Variants in IL27RA observed in about 807,000 individuals in gnomAD.
IL27RA encodes interleukin-27 receptor subunit alpha.
Under a neutral mutation model 80.8 loss-of-function variants are expected in IL27RA, and 61 were observed. The observed-to-expected ratio is 0.76, with a 90% confidence interval of 0.61 to 0.93. IL27RA has a LOEUF of 0.93. Among genes scored for constraint, IL27RA ranks in the 40% least tolerant of loss-of-function variants. The probability of loss-of-function intolerance (pLI) is 0.00; values close to 1 mark genes in which losing one functional copy is unlikely to be tolerated. For missense variants in IL27RA, 735 were observed against 808.1 expected, an observed-to-expected ratio of 0.91 and a Z score of 1.10; for synonymous variants, 316 against 332.5, an observed-to-expected ratio of 0.95 and a Z score of 0.54.
intron 2 of IL27RA, among the ~76,000 whole-genome samples, chr19:14,036,407 T>C (rs1443258673): frequency 2.0e-5 from 3 of 151,906 alleles, no homozygotes; most frequent in African/African-American, 7.3e-5. Flanking sequence ...TGAAAACATG[T>C]GGTGTTTGTC....
chr19:14,050,895 G>A lies in IL27RA; in HGVS notation c.1528+12G>A, dbSNP rs767084448. ...GCTTCATCTACCAGGTAGGGGGGTT[G>A]GGATGGGATTGCCACAGGGAGGGGA... On this transcript the variant is annotated intron_variant, in intron 11 of 13. Coordinates refer to ENST00000263379, the MANE Select transcript of IL27RA (RefSeq NM_004843.4). 1.9e-6 allele frequency: 3 copies of A among 1,600,784 alleles called. No homozygotes were observed. Among genetic ancestry groups the A allele is most frequent in the East Asian group, 4.5e-5 (2 of 44,532 alleles).
Position 14,051,911 on chromosome 19 carries a change from C to T in IL27RA, c.1654C>T (p.Arg552Cys). The change falls in exon 13 of 14, where the codon CGC becomes TGC. Residue 552 changes from arginine (R) to cysteine (C), a missense_variant. Transcript: ENST00000263379. ...CCACCTAAGGCACAAAGTGCTGCCC[C>T]GCTGGGTCTGGGAGAAAGTTCCTGA... The part of the protein sequence containing the change: ...CYHLRHKVLP[R>C]WVWEKVPDPA... 1.3e-6 allele frequency: 2 copies of T among 1,585,322 alleles called. No homozygotes were observed. Among genetic ancestry groups the T allele is most frequent in the South Asian group, 1.1e-5 (1 of 87,526 alleles).
chr19:14,044,215 T>G (rs549596494), intron 6 of IL27RA, among the ~76,000 whole-genome samples: 1 of 152,108 alleles, frequency 6.6e-6, no homozygotes, highest in South Asian at 2.1e-4. Flanking sequence ...TTCCACCTTC[T>G]TAGACCACAC....
intron 3 of IL27RA, 34 bp from the exon 4 acceptor site, chr19:14,039,719 G>C (rs377689625): frequency 3.9e-5 from 62 of 1,610,226 alleles, no homozygotes; most frequent in South Asian, 3.8e-4. Flanking sequence ...CTTGGAGGGC[G>C]TGGCTCACTA....
intron 2 of IL27RA, among the ~76,000 whole-genome samples, chr19:14,033,019 C>T (rs1357136083): frequency 1.3e-5 from 2 of 151,418 alleles, no homozygotes; most frequent in African/African-American, 2.4e-5. Context: ...ACCTGTCATC[C>T]CAGCATTTTG....
intron 4 of IL27RA, among the ~76,000 whole-genome samples, chr19:14,040,151 G>A (rs1423388629): frequency 6.6e-6 from 1 of 151,960 alleles, no homozygotes; most frequent in African/African-American, 2.4e-5. Flanking sequence ...ATCACTTGAG[G>A]TCAAGAGTTC....
At chr19:14,032,695 A>G (rs1468301078) in intron 2 of IL27RA, among the ~76,000 whole-genome samples, 192 bp downstream of exon 2, 1 of 148,684 alleles carries the variant, frequency 6.7e-6, no homozygotes, top group East Asian at 2.0e-4. Flanking sequence ...AGTCCCTGAT[A>G]CTCAGGAGGC....
chr19:14,032,882 C>T (rs931266644), intron 2 of IL27RA, among the ~76,000 whole-genome samples: 5 of 151,144 alleles, frequency 3.3e-5, no homozygotes, highest in Non-Finnish European at 7.4e-5. Context: ...AATACTCCTC[C>T]ACTCCTTCAA....
At position 14,037,856 on chromosome 19, in the gene IL27RA, G is replaced by A. The variant is rs1188198151; in HGVS notation, c.219-1652G>A. Among the ~76,000 whole-genome samples, 3 of 109,602 alleles carry A rather than the reference G, an allele frequency of 2.7e-5. No individual in the cohort carries two copies. The East Asian group carries it at 1.2e-3, about 45-fold the overall frequency. 71.9% of individuals were successfully genotyped at this position (109,602 alleles called of 152,430 possible). A position where few individuals can be genotyped will look rare whatever the true frequency, so the allele number is the denominator to read the frequency against. ...TCTCTTTTTTTTTTTTTTTGAAATG[G>A]AGTCTTGCTCTGTTGCCAGGCTGGA... is the stretch of plus-strand genomic sequence containing the variant. On this transcript the variant is annotated intron_variant, in intron 2 of 13. Coordinates refer to ENST00000263379, the MANE Select transcript of IL27RA (RefSeq NM_004843.4).
intron 2 of IL27RA, among the ~76,000 whole-genome samples, 196 bp downstream of exon 2, chr19:14,032,699 A>G (rs1255120461): frequency 6.8e-6 from 1 of 147,870 alleles, no homozygotes; most frequent in East Asian, 2.0e-4. Flanking sequence ...CCTGATACTC[A>G]GGAGGCTGAG....
Position 14,050,855 on chromosome 19 carries a change from T to C in IL27RA, c.1500T>C (p.Pro500=). Residue 500 remains proline, a synonymous_variant, in exon 11 of 14, where the codon CCT becomes CCC. Transcript: ENST00000263379. ...TASTIAGQGP[P]GPILRLHLPD... ...CTACCATCGCTGGACAGGGCCCTCC[T>C]GGTCCCATCCTCCGGCTTCATCTAC... is the stretch of plus-strand genomic sequence containing the variant. The C allele has an allele frequency of 6.2e-7, 1 of 1,612,060 alleles. No individual in the cohort carries two copies. The highest frequency in any genetic ancestry group is 1.1e-5 in the South Asian group (1 of 90,956).
At chr19:14,032,339 G>C (rs2306191) in intron 1 of IL27RA, 47 bp from the exon 2 acceptor site, 172,732 of 1,401,996 alleles carry the variant, frequency 0.12, 12,270 homozygotes, top group Admixed American at 0.27. Flanking sequence ...CAGGCGGAAG[G>C]GGGGGATTCG....
chr19:14,035,958 T>A (rs1037732528), intron 2 of IL27RA, among the ~76,000 whole-genome samples: 9 of 151,502 alleles, frequency 5.9e-5, no homozygotes, highest in African/African-American at 1.2e-4. Context: ...TTTTTAAAAA[T>A]TTTTTGTAGT....
At chr19:14,034,843 C>T (rs1309140097) in intron 2 of IL27RA, among the ~76,000 whole-genome samples, 2 of 149,334 alleles carry the variant, frequency 1.3e-5, no homozygotes, top group African/African-American at 2.5e-5. Context: ...GTCCCAGCTA[C>T]TCAGGAGGCT....
At chr19:14,033,378 T>C (rs7246718) in intron 2 of IL27RA, among the ~76,000 whole-genome samples, 50,419 of 150,748 alleles carry the variant, frequency 0.33, 11,822 homozygotes, top group African/African-American at 0.66. Context: ...GGATTACAGG[T>C]GTGAGCCACC....
At chr19:14,039,690 TC>T in intron 3 of IL27RA, 25 bp downstream of exon 3, 1 of 1,610,954 alleles carries the variant, frequency 6.2e-7, no homozygotes, top group Non-Finnish European at 8.5e-7. Context: ...GGGTGGGCGC[TC>T]TATGCGGGGT....
Position 14,039,682 on chromosome 19 carries a change from G to C in IL27RA, c.376+17G>C. 6.2e-7 allele frequency: 1 copy of C among 1,611,986 alleles called. No individual in the cohort carries two copies. Among genetic ancestry groups the C allele is most frequent in the Non-Finnish European group, 8.5e-7 (1 of 1,178,770 alleles). ...AAACCCAAAGTAACGTGGCAGGAGG[G>C]TGGGCGCTCTATGCGGGGTGGGTGC... is the stretch of plus-strand genomic sequence containing the variant. On this transcript the variant is annotated intron_variant, in intron 3 of 13. Coordinates refer to ENST00000263379, the MANE Select transcript of IL27RA (RefSeq NM_004843.4).
intron 6 of IL27RA, among the ~76,000 whole-genome samples, chr19:14,043,481 G>A (rs1251543070): frequency 4.6e-5 from 7 of 151,684 alleles, no homozygotes; most frequent in South Asian, 2.1e-4. Flanking sequence ...GTGCAGCAGC[G>A]TCATCTCATC....
At chr19:14,032,975 A>G (rs2094632525) in intron 2 of IL27RA, among the ~76,000 whole-genome samples, 1 of 151,722 alleles carries the variant, frequency 6.6e-6, no homozygotes, top group Admixed American at 6.6e-5. Flanking sequence ...TTCTCTATTA[A>G]ATAGCAATCA....
Sources: gnomAD v4.1 joint callset for allele counts (sites outside exome capture counted in the v4.1 genomes callset) on GRCh38, gnomAD v4.1.1 for gene constraint, MANE v1.5 for transcripts, NCBI Gene and HGNC (gene_info 2026-07-23, HGNC 2026-07-21) for gene names.